Variants in ITSN1 observed in about 807,000 individuals in gnomAD.
ITSN1 encodes intersectin 1, also known as intersectin-1.
Under a neutral mutation model 239.8 loss-of-function variants are expected in ITSN1, and 58 were observed. The ratio of observed to expected loss-of-function variants is 0.24; its 90% CI spans 0.20 to 0.30. The LOEUF is 0.30. Ranked by LOEUF, ITSN1 falls within the 10% of genes least tolerant of loss-of-function variation. ITSN1 has a pLI of 1.00. For synonymous variants in ITSN1, 780 were observed against 770.8 expected, an observed-to-expected ratio of 1.01 and a Z score of -0.20; for missense variants, 1,558 against 2,103.3, an observed-to-expected ratio of 0.74 and a Z score of 5.07.
At chr21:33,887,152 T>C (rs1440296768) in intron 39 of ITSN1, among the ~76,000 whole-genome samples, 1 of 151,300 alleles carries the variant, frequency 6.6e-6, no homozygotes, top group Non-Finnish European at 1.5e-5. Context: ...ACCTTGTCTC[T>C]ACAAAAAAAT....
intron 1 of ITSN1, among the ~76,000 whole-genome samples, chr21:33,667,378 G>A (rs534680439): frequency 2.0e-5 from 3 of 152,132 alleles, no homozygotes; most frequent in African/African-American, 7.2e-5. Context: ...GGTAAAAAAT[G>A]TATGTGCCAA....
intron 9 of ITSN1, among the ~76,000 whole-genome samples, chr21:33,763,220 C>G (rs1010557547): frequency 7.3e-6 from 1 of 137,712 alleles, no homozygotes; most frequent in African/African-American, 2.7e-5. Flanking sequence ...CCCCAGGCCG[C>G]CCCCCAACCA....
At chr21:33,681,330 A>G (rs751413536) in intron 1 of ITSN1, among the ~76,000 whole-genome samples, 1 of 152,218 alleles carries the variant, frequency 6.6e-6, no homozygotes, top group Non-Finnish European at 1.5e-5. Flanking sequence ...ACGAGAATTA[A>G]CTAGTTACAT....
chr21:33,856,858 GT>G lies in ITSN1; in HGVS notation c.3783+2del. 6.2e-7 allele frequency: 1 copy of G among 1,613,598 alleles called. No homozygotes were observed. The highest frequency in any genetic ancestry group is 8.5e-7 in the Non-Finnish European group (1 of 1,179,698). ...GAATGACCTGCAGCTGGTCACAGAG[GT>G]AAGGGAGCTGGTGGGGCAGGGGGCA... On this transcript the variant is annotated splice_donor_variant, in intron 30 of 39. Coordinates refer to ENST00000381318, the MANE Select transcript of ITSN1 (RefSeq NM_003024.3). LOFTEE classifies it high-confidence loss of function.
rs754456971 is a variant in ITSN1 at position 33,819,291 on chromosome 21, C to G, written c.2984C>G (p.Ser995Cys). 1.9e-6 allele frequency: 3 copies of G among 1,614,112 alleles called. No homozygotes were observed. Among genetic ancestry groups the G allele is most frequent in the Non-Finnish European group, 2.5e-6 (3 of 1,179,986 alleles). Residue 995 changes from serine to cysteine, a missense_variant, in exon 24 of 40, where the codon TCT (serine) becomes TGT (cysteine). Physicochemically the swap from Ser to Cys is moderately radical, Grantham distance 112. This residue lies in a region of ITSN1 where 982 missense variants were observed against 1,209.9 expected (regional missense o/e 0.81). Transcript: ENST00000381318. ...CCTGCTAGTCTAAAGCGAGTAGCCT[C>G]TCCAGCAGCCAAGCCGGTCGTTTCG... ...ESPASLKRVA[S>C]PAAKPVVSGE... is the part of the protein sequence containing the mutation.
chr21:33,644,253 AATAC>A (rs1271802960), intron 1 of ITSN1, among the ~76,000 whole-genome samples: 1 of 152,186 alleles, frequency 6.6e-6, no homozygotes, highest in Admixed American at 6.5e-5. Flanking sequence ...AACATTGAAA[AATAC>A]ATACATATGA....
At chr21:33,679,620 C>T (rs770536454) in intron 1 of ITSN1, among the ~76,000 whole-genome samples, 1 of 150,140 alleles carries the variant, frequency 6.7e-6, no homozygotes, top group Non-Finnish European at 1.5e-5. Context: ...TAAAATTTAT[C>T]GTATTGACAG....
chr21:33,762,781 A>C (rs2068442523), intron 9 of ITSN1, among the ~76,000 whole-genome samples: 1 of 151,838 alleles, frequency 6.6e-6, no homozygotes, highest in African/African-American at 2.4e-5. Context: ...CTCCTGCCTC[A>C]GCCTCCTTAG....
Position 33,769,717 on chromosome 21 carries a change from G to A in ITSN1, c.1042+1889G>A, listed in dbSNP as rs559821753. Among the ~76,000 whole-genome samples, 43 of 149,700 alleles carry A rather than the reference G, an allele frequency of 2.9e-4. No individual in the cohort carries two copies. The East Asian group carries it at 6.2e-3, about 22-fold the overall frequency. ...TCTCTGCCTTTTTTTTTTTTGAGAC[G>A]GTTGTTTCGCTCTTGTTGCCCAGGC... On this transcript the variant is annotated intron_variant, in intron 11 of 39. Transcript: ENST00000381318.
intron 14 of ITSN1, among the ~76,000 whole-genome samples, chr21:33,775,557 A>G (rs551856313): frequency 3.5e-4 from 53 of 152,322 alleles, no homozygotes; most frequent in African/African-American, 1.3e-3. Flanking sequence ...ATTTGAGCAG[A>G]GACTTGAAAT....
At chr21:33,758,551 AGAGG>A (rs908949248) in intron 8 of ITSN1, among the ~76,000 whole-genome samples, 26 of 40,946 alleles carry the variant, frequency 6.3e-4, no homozygotes, top group Non-Finnish European at 1.1e-3. Flanking sequence ...TATAAAATAG[AGAGG>A]GATCATTCTT....
intron 1 of ITSN1, among the ~76,000 whole-genome samples, chr21:33,694,116 C>T (rs1476195108): frequency 1.3e-5 from 2 of 152,168 alleles, no homozygotes; most frequent in African/African-American, 2.4e-5. Flanking sequence ...TGGGCTCAAG[C>T]GATCCTTCCA....
intron 22 of ITSN1, chr21:33,817,130 T>C: frequency 8.4e-7 from 1 of 1,183,498 alleles, no homozygotes; most frequent in Non-Finnish European, 1.1e-6. Context: ...ATATATATGA[T>C]TGAAAGTTGG....
chr21:33,885,277 G>A (rs1985599771), intron 37 of ITSN1, among the ~76,000 whole-genome samples, 154 bp downstream of exon 37: 1 of 152,140 alleles, frequency 6.6e-6, no homozygotes, highest in South Asian at 2.1e-4. Flanking sequence ...TGCAGATGGG[G>A]ATGGAGGGCA....
At chr21:33,725,438 A>G (rs2065771946) in intron 4 of ITSN1, among the ~76,000 whole-genome samples, 1 of 151,924 alleles carries the variant, frequency 6.6e-6, no homozygotes, top group Non-Finnish European at 1.5e-5. Flanking sequence ...CCGGCCAAAA[A>G]AATTTTTTTT....
At chr21:33,772,620 A>G (rs1378391940) in intron 12 of ITSN1, among the ~76,000 whole-genome samples, 1 of 152,150 alleles carries the variant, frequency 6.6e-6, no homozygotes, top group Non-Finnish European at 1.5e-5. Context: ...TCATCAATAT[A>G]TGGACTTTTG....
At chr21:33,745,951 G>A (rs1373291021) in intron 5 of ITSN1, among the ~76,000 whole-genome samples, 2 of 152,150 alleles carry the variant, frequency 1.3e-5, no homozygotes, top group Non-Finnish European at 2.9e-5. Flanking sequence ...CTTTAAAATG[G>A]TCTGAACTTT....
chr21:33,882,380 G>A lies in ITSN1; in HGVS notation c.4479G>A (p.Thr1493=), dbSNP rs757550513. The A allele has an allele frequency of 3.1e-6, 5 of 1,614,184 alleles. No individual in the cohort carries two copies. The highest frequency in any genetic ancestry group is 2.2e-5 in the East Asian group (1 of 44,892). The part of the protein sequence containing the change: ...FNDFLLLTQI[T]KPLGSSGTDK... ...ACTTCCTCCTGCTGACTCAGATCAC[G>A]AAGCCTTTGGGGTCTTCTGGCACCG... The change falls in exon 35 of 40, where the codon ACG becomes ACA. Residue 1493 remains threonine, a synonymous_variant. Coordinates refer to ENST00000381318, the MANE Select transcript of ITSN1 (RefSeq NM_003024.3). This position sits in a 1 kb window ranked among gnomAD's most constrained non-coding sequence, Gnocchi z 4.5.
intron 1 of ITSN1, among the ~76,000 whole-genome samples, chr21:33,682,842 G>T (rs2091042540): frequency 6.6e-6 from 1 of 151,780 alleles, no homozygotes; most frequent in East Asian, 1.9e-4. Context: ...TCTGAACATT[G>T]TTTATATTTA....
Sources: gnomAD v4.1 joint callset for allele counts (sites outside exome capture counted in the v4.1 genomes callset) on GRCh38, gnomAD v4.1.1 for gene constraint, gnomAD v4.1.1 regional missense constraint, Gnocchi (gnomAD v3.1) non-coding constraint, MANE v1.5 for transcripts, NCBI Gene and HGNC (gene_info 2026-07-23, HGNC 2026-07-21) for gene names.